CUL1: variants seen among roughly 807,000 people sequenced by gnomAD.
The protein encoded by CUL1 is cullin-1.
A neutral mutation model predicts 118.0 loss-of-function variants in CUL1; 24 were observed. The observed-to-expected ratio is 0.20, with a 90% CI of 0.15 to 0.29. The LOEUF (loss-of-function observed/expected upper bound fraction) is 0.29. Among genes scored for constraint, CUL1 ranks in the 10% least tolerant of loss-of-function variants. The pLI is 1.00. For missense variants in CUL1, 361 were observed against 933.8 expected, an observed-to-expected ratio of 0.39 and a Z score of 7.99; for synonymous variants, 332 against 340.4, an observed-to-expected ratio of 0.98 and a Z score of 0.27.
At chr7:148,742,722 C>T (rs10244375) in intron 2 of CUL1, among the ~76,000 whole-genome samples, 3,796 of 151,094 alleles carry the variant, frequency 0.025, 123 homozygotes, top group African/African-American at 0.077. Context: ...CTGCCTCAGC[C>T]TCCTGAGTAG....
intron 1 of CUL1, among the ~76,000 whole-genome samples, chr7:148,705,990 C>A (rs1797868243): frequency 6.6e-6 from 1 of 152,188 alleles, no homozygotes; most frequent in African/African-American, 2.4e-5. Context: ...TCTAAAACTT[C>A]CTTAGTTACC....
At chr7:148,705,781 C>A (rs1370423128) in intron 1 of CUL1, among the ~76,000 whole-genome samples, 1 of 152,206 alleles carries the variant, frequency 6.6e-6, no homozygotes, top group East Asian at 1.9e-4. Flanking sequence ...CCCCAAACTT[C>A]AAGCTTATCT....
rs754435224 is a variant in CUL1 at position 148,792,800 on chromosome 7, C to G, written c.1881C>G (p.Asp627Glu). Residue 627 changes from aspartate to glutamate, a missense_variant, in exon 17 of 22, where the codon GAC becomes GAG. This residue lies in a region of CUL1 where 84 missense variants were observed against 203.3 expected (regional missense o/e 0.41). Transcript: ENST00000325222. ...EDAYTVQQLT[D>E]STQIKMDILA... is the part of the protein sequence containing the mutation. ...CCTACACTGTGCAGCAGCTGACCGA[C>G]AGCACTCAAATTAAAATGGTATTCT... 6.2e-7 allele frequency: 1 copy of G among 1,612,182 alleles called. No homozygotes were observed. The highest frequency in any genetic ancestry group is 2.2e-5 in the East Asian group (1 of 44,858).
chr7:148,737,574 T>TC, intron 2 of CUL1, among the ~76,000 whole-genome samples: 1 of 95,442 alleles, frequency 1.0e-5, no homozygotes, highest in Non-Finnish European at 2.0e-5. Context: ...ATATATATTT[T>TC]TATATTTATT....
intron 1 of CUL1, among the ~76,000 whole-genome samples, chr7:148,699,756 C>T (rs893744249): frequency 6.6e-6 from 1 of 152,088 alleles, no homozygotes; most frequent in African/African-American, 2.4e-5. Context: ...ACAGAGCCCC[C>T]CGGCGCCCGC....
At chr7:148,797,068 G>C (rs1801225095) in intron 17 of CUL1, among the ~76,000 whole-genome samples, 1 of 151,988 alleles carries the variant, frequency 6.6e-6, no homozygotes, top group Non-Finnish European at 1.5e-5. Context: ...AAGGAGGGCT[G>C]GGAAGCGTTT....
At chr7:148,771,017 G>A (rs1800190835) in intron 9 of CUL1, among the ~76,000 whole-genome samples, 1 of 152,136 alleles carries the variant, frequency 6.6e-6, no homozygotes, top group Admixed American at 6.5e-5. Flanking sequence ...TAATTAAGTT[G>A]AATCATAGTG....
At chr7:148,723,958 T>A (rs1043171908) in intron 1 of CUL1, among the ~76,000 whole-genome samples, 2 of 152,194 alleles carry the variant, frequency 1.3e-5, no homozygotes, top group Non-Finnish European at 2.9e-5. Flanking sequence ...ACACGTTCAC[T>A]TATCAAGACC....
chr7:148,723,368 C>G (rs1465921727), intron 1 of CUL1, among the ~76,000 whole-genome samples: 1 of 152,186 alleles, frequency 6.6e-6, no homozygotes, highest in African/African-American at 2.4e-5. Flanking sequence ...TGCTGAGGCC[C>G]TGTGTGTCCA....
intron 1 of CUL1, among the ~76,000 whole-genome samples, chr7:148,709,097 T>G (rs1249855258): frequency 1.3e-5 from 2 of 152,352 alleles, no homozygotes; most frequent in East Asian, 3.9e-4. Flanking sequence ...TTAATAGTTA[T>G]AGGAAAAGTG....
At chr7:148,739,198 G>T (rs1309543914) in intron 2 of CUL1, among the ~76,000 whole-genome samples, 1 of 152,208 alleles carries the variant, frequency 6.6e-6, no homozygotes, top group Non-Finnish European at 1.5e-5. Context: ...ATACCAGTGA[G>T]GTGTGAGGAG....
intron 2 of CUL1, among the ~76,000 whole-genome samples, chr7:148,737,453 A>G (rs1269813500): frequency 2.0e-5 from 3 of 151,872 alleles, no homozygotes; most frequent in Admixed American, 6.6e-5. Context: ...TTTTATAACT[A>G]CAGACGGATT....
intron 1 of CUL1, among the ~76,000 whole-genome samples, chr7:148,725,881 T>G (rs1030867631): frequency 1.3e-5 from 2 of 152,228 alleles, no homozygotes; most frequent in African/African-American, 4.8e-5. Flanking sequence ...TATGAATTTT[T>G]GAAAACCTCA....
intron 17 of CUL1, 119 bp from the exon 18 acceptor site, chr7:148,797,693 T>G: frequency 1.3e-6 from 1 of 763,328 alleles, no homozygotes; most frequent in Non-Finnish European, 2.1e-6. Flanking sequence ...CATACTCTTC[T>G]TTTGGGTGAT....
intron 2 of CUL1, among the ~76,000 whole-genome samples, chr7:148,739,684 T>G (rs1424746013): frequency 6.6e-6 from 1 of 152,242 alleles, no homozygotes; most frequent in African/African-American, 2.4e-5. Context: ...TGAGGCTTGC[T>G]AATCATTTTC....
intron 9 of CUL1, among the ~76,000 whole-genome samples, chr7:148,776,307 C>CCTTTT (rs1800395793): frequency 2.5e-5 from 1 of 40,692 alleles, no homozygotes. Flanking sequence ...CATAACCAGG[C>CCTTTT]TTTTTTTTTT....
Position 148,730,182 on chromosome 7 carries a change from C to T in CUL1, c.60C>T (p.Ile20=), listed in dbSNP as rs1020425962. ...HGLKQIGLDQ[I]WDDLRAGIQQ... ...TGAAGCAGATTGGCCTGGACCAGAT[C>T]TGGGACGACCTCAGAGCCGGCATCC... The change falls in exon 2 of 22, where the codon ATC becomes ATT. Residue 20 remains isoleucine, a synonymous_variant. Transcript: ENST00000325222. 11 of 1,614,186 alleles carry T rather than the reference C, an allele frequency of 6.8e-6. No homozygotes were observed. Among genetic ancestry groups the T allele is most frequent in the Non-Finnish European group, 9.3e-6 (11 of 1,180,044 alleles).
At chr7:148,757,190 TTTTTG>T in intron 4 of CUL1, 40 bp downstream of exon 4, 1 of 1,338,252 alleles carries the variant, frequency 7.5e-7, no homozygotes, top group Non-Finnish European at 9.8e-7. Context: ...TTTGTTTTTG[TTTTTG>T]TTTTTTTTAA....
rs201071403 is a variant in CUL1, at chr7:148,798,691, A to G, written c.2136+14A>G. On this transcript the variant is annotated intron_variant, in intron 20 of 21. Transcript: ENST00000325222. ...CTACTGATTCAGGTGACTTATCTGT[A>G]TGCCTGTGCCAGGTGTGCTGTCCCT... 8.1e-6 allele frequency: 13 copies of G among 1,605,322 alleles called. No individual in the cohort carries two copies. The African/African-American group carries it at 1.1e-4, about 13-fold the overall frequency.
Sources: gnomAD v4.1 joint callset for allele counts (sites outside exome capture counted in the v4.1 genomes callset) on GRCh38, gnomAD v4.1.1 for gene constraint, gnomAD v4.1.1 regional missense constraint, MANE v1.5 for transcripts, NCBI Gene and HGNC (gene_info 2026-07-23, HGNC 2026-07-21) for gene names.